ROBO2: variants seen among roughly 807,000 people sequenced by gnomAD.
ROBO2 encodes the protein roundabout guidance receptor 2.
A neutral mutation model predicts 160.8 loss-of-function variants in ROBO2; 53 were observed. The ratio of observed to expected loss-of-function variants is 0.33; its 90% CI spans 0.26 to 0.41. ROBO2 has a LOEUF of 0.41. ROBO2 is among the 10% of genes least tolerant of loss of function. ROBO2 has a pLI of 1.00. For synonymous variants in ROBO2, 664 were observed against 611.7 expected (o/e 1.09, Z -1.26); for missense variants, 1,577 against 1,722.4 (o/e 0.92, Z 1.49).
At chr3:76,427,015 A>G (rs559295953) in intron 2 of ROBO2, among the ~76,000 whole-genome samples, 3 of 152,138 alleles carry the variant, frequency 2.0e-5, no homozygotes, top group Non-Finnish European at 4.4e-5. Context: ...ATGCACGTGA[A>G]TATGTTGTGC....
chr3:77,012,842 T>C (rs1206525212), intron 2 of ROBO2, among the ~76,000 whole-genome samples: 1 of 152,256 alleles, frequency 6.6e-6, no homozygotes, highest in Non-Finnish European at 1.5e-5. Context: ...GAATTACCTT[T>C]TGTGGCATCT....
chr3:76,364,171 C>T (rs1424449521), intron 2 of ROBO2, among the ~76,000 whole-genome samples: 1 of 152,072 alleles, frequency 6.6e-6, no homozygotes, highest in Non-Finnish European at 1.5e-5. Flanking sequence ...TCCGTGTCCT[C>T]TGCCAAGAAC....
At chr3:76,937,770 C>G (rs1441637713) in intron 2 of ROBO2, among the ~76,000 whole-genome samples, 1 of 152,106 alleles carries the variant, frequency 6.6e-6, no homozygotes, top group African/African-American at 2.4e-5. Flanking sequence ...TTGGAATATT[C>G]AACTTTGTGG....
intron 1 of ROBO2, among the ~76,000 whole-genome samples, chr3:75,927,529 C>T (rs1947336158): frequency 6.6e-6 from 1 of 152,160 alleles, no homozygotes; most frequent in South Asian, 2.1e-4. Context: ...AAGACTATTG[C>T]TCACATAGTC....
rs905251177 is a variant in ROBO2, at chr3:76,425,445, A to G, written c.109+487843A>G. On this transcript the variant is annotated intron_variant, in intron 2 of 26. Coordinates refer to the ROBO2 transcript ENST00000487694. ...TTTAACACCTGTAATTACTTCTTCA[A>G]TGTCTGTCCTTTCTGGAACTTTGAA... Among the ~76,000 whole-genome samples the G allele has an allele frequency of 2.0e-5, 3 of 151,238 alleles. No homozygotes were observed. The East Asian group carries it at 5.9e-4, about 30-fold the overall frequency.
chr3:77,184,304 AC>A (rs1309396096), intron 2 of ROBO2, among the ~76,000 whole-genome samples: 2 of 152,096 alleles, frequency 1.3e-5, no homozygotes, highest in Non-Finnish European at 2.9e-5. Context: ...TCATTCATTT[AC>A]CAAAAAATTT....
intron 7 of ROBO2, among the ~76,000 whole-genome samples, chr3:77,547,124 T>A (rs2092727336): frequency 6.6e-6 from 1 of 151,946 alleles, no homozygotes; most frequent in Non-Finnish European, 1.5e-5. Flanking sequence ...CCTCTCAGAG[T>A]CTCTATGGAA....
At chr3:77,557,759 C>G (rs1264316620) in intron 8 of ROBO2, among the ~76,000 whole-genome samples, 185 bp from the exon 10 acceptor site, 2 of 151,636 alleles carry the variant, frequency 1.3e-5, no homozygotes, top group African/African-American at 4.8e-5. Context: ...TATGTATGTA[C>G]ATATATAGAT....
chr3:76,673,598 C>T (rs1210988974), intron 2 of ROBO2, among the ~76,000 whole-genome samples: 2 of 152,092 alleles, frequency 1.3e-5, no homozygotes, highest in East Asian at 1.9e-4. Context: ...CTTTTAAAAA[C>T]GCTCAAAACA....
intron 2 of ROBO2, among the ~76,000 whole-genome samples, chr3:76,866,356 A>G (rs1312110555): frequency 1.3e-5 from 2 of 152,174 alleles, no homozygotes; most frequent in Non-Finnish European, 2.9e-5. Context: ...TGTTATTATC[A>G]ATCACATAAA....
intron 2 of ROBO2, among the ~76,000 whole-genome samples, chr3:76,983,184 C>T (rs1293852203): frequency 6.6e-6 from 1 of 152,092 alleles, no homozygotes; most frequent in African/African-American, 2.4e-5. Context: ...ACTCAGGAGG[C>T]TGAGGCAGGA....
chr3:76,272,334 A>T (rs1318883250), intron 2 of ROBO2, among the ~76,000 whole-genome samples: 2 of 152,058 alleles, frequency 1.3e-5, no homozygotes, highest in Non-Finnish European at 2.9e-5. Flanking sequence ...ATGAGTTAAA[A>T]ATATGAACCA....
At chr3:76,179,220 A>G (rs1201883167) in intron 2 of ROBO2, among the ~76,000 whole-genome samples, 1 of 152,122 alleles carries the variant, frequency 6.6e-6, no homozygotes, top group Non-Finnish European at 1.5e-5. Context: ...CTGGGGATAT[A>G]GCACTGAACA....
intron 2 of ROBO2, among the ~76,000 whole-genome samples, chr3:77,204,445 C>A (rs1479598142): frequency 6.6e-6 from 1 of 152,060 alleles, no homozygotes; most frequent in Non-Finnish European, 1.5e-5. Context: ...TGTCCCTCAA[C>A]AAATATGTGA....
chr3:76,229,803 A>G, intron 2 of ROBO2, among the ~76,000 whole-genome samples: 1 of 152,208 alleles, frequency 6.6e-6, no homozygotes, highest in East Asian at 1.9e-4. Flanking sequence ...ATATTTACAG[A>G]GGGGTAACAA....
At chr3:76,999,856 T>C (rs1398509307) in intron 2 of ROBO2, among the ~76,000 whole-genome samples, 1 of 152,172 alleles carries the variant, frequency 6.6e-6, no homozygotes, top group Non-Finnish European at 1.5e-5. Context: ...TTTGTGTTCT[T>C]TGTCTGTTTC....
intron 2 of ROBO2, among the ~76,000 whole-genome samples, chr3:77,321,509 A>C (rs546869400): frequency 6.6e-6 from 1 of 152,218 alleles, no homozygotes; most frequent in South Asian, 2.1e-4. Context: ...ACAGAGAGAG[A>C]GACCCTGTCT....
At chr3:76,942,700 A>G (rs1476522673) in intron 2 of ROBO2, among the ~76,000 whole-genome samples, 1 of 152,118 alleles carries the variant, frequency 6.6e-6, no homozygotes, top group Non-Finnish European at 1.5e-5. Flanking sequence ...CGGAAGTCTA[A>G]TTTTAATTCT....
At chr3:76,710,774 G>A (rs1164460955) in intron 2 of ROBO2, among the ~76,000 whole-genome samples, 2 of 152,138 alleles carry the variant, frequency 1.3e-5, no homozygotes, top group Admixed American at 6.6e-5. Context: ...ACTTAGGGGA[G>A]CTTAGAGAAA....
Sources: gnomAD v4.1 joint callset for allele counts (sites outside exome capture counted in the v4.1 genomes callset) on GRCh38, gnomAD v4.1.1 for gene constraint, MANE v1.5 for transcripts, NCBI Gene and HGNC (gene_info 2026-07-23, HGNC 2026-07-21) for gene names.